SBF2: variants seen among roughly 807,000 people sequenced by gnomAD.
SBF2 encodes the protein SET binding factor 2.
In SBF2, 112 loss-of-function variants were observed where a neutral mutation model predicts 225.2. That is an observed-to-expected ratio of 0.50 (90% CI 0.43 to 0.58). The LOEUF is 0.58. Ranked by LOEUF, SBF2 falls within the 20% of genes least tolerant of loss-of-function variation. The pLI is 0.00. For missense variants in SBF2, 1,996 were observed against 2,206.2 expected (o/e 0.90, Z 1.91); for synonymous variants, 763 against 773.3 (o/e 0.99, Z 0.22).
chr11:9,896,340 TACACAA>T, intron 16 of SBF2, among the ~76,000 whole-genome samples: 1 of 152,330 alleles, frequency 6.6e-6, no homozygotes, highest in East Asian at 1.9e-4. Flanking sequence ...TTGTGTAACT[TACACAA>T]ATTTTTTTTT....
At chr11:10,215,866 T>C (rs1958110456) in intron 1 of SBF2, among the ~76,000 whole-genome samples, 1 of 152,260 alleles carries the variant, frequency 6.6e-6, no homozygotes, top group African/African-American at 2.4e-5. Context: ...AATTTCCATC[T>C]GACTTACCAA....
In SBF2 at chr11:10,193,910, T is replaced by C; in HGVS notation, c.133A>G (p.Ile45Val). ...DWDDTPFPQG[I>V]ELFCQPGGWQ... is the part of the protein sequence containing the mutation. ...ATACAACAACCACTTACCAACTCAA[T>C]TCCCTGTGGAAAAGGTGTATCATCC... The change falls in exon 2 of 40, where the codon ATT (isoleucine) becomes GTT (valine). Residue 45 changes from isoleucine (I) to valine (V), a missense_variant. Ile to Val is a conservative substitution (Grantham distance 29, BLOSUM62 3). Transcript: ENST00000256190. 1 of 1,609,220 alleles carries C rather than the reference T, an allele frequency of 6.2e-7. No homozygotes were observed. Among genetic ancestry groups the C allele is most frequent in the Non-Finnish European group, 8.5e-7 (1 of 1,175,674 alleles).
At chr11:10,021,523 G>GT (rs1011659153) in intron 6 of SBF2, among the ~76,000 whole-genome samples, 17 of 152,156 alleles carry the variant, frequency 1.1e-4, no homozygotes, top group African/African-American at 3.6e-4. Context: ...AGAGGAAATT[G>GT]TAGGGAGTGA....
rs551618985 is a variant in SBF2, at chr11:9,885,727, G to A, written c.1929+10216C>T. Among the ~76,000 whole-genome samples, 12 of 152,082 alleles carry A rather than the reference G, an allele frequency of 7.9e-5. No homozygotes were observed. The South Asian group carries it at 1.2e-3, about 16-fold the overall frequency. ...GAAAAATTTCAATAAAAATTTTTAC[G>A]TTTTTATTAAGTTATTCTGTTGTAA... is the stretch of plus-strand genomic sequence containing the variant. On this transcript the variant is annotated intron_variant, in intron 17 of 39. Coordinates refer to ENST00000256190, the MANE Select transcript of SBF2 (RefSeq NM_030962.4).
intron 17 of SBF2, among the ~76,000 whole-genome samples, 154 bp downstream of exon 17, chr11:9,895,789 A>C (rs1282666503): frequency 2.0e-5 from 3 of 152,222 alleles, no homozygotes; most frequent in Non-Finnish European, 4.4e-5. Context: ...TTTCCTACAC[A>C]TAGCATGCAA....
intron 1 of SBF2, among the ~76,000 whole-genome samples, chr11:10,235,887 G>A (rs576459395): frequency 2.0e-5 from 3 of 152,126 alleles, no homozygotes; most frequent in African/African-American, 4.8e-5. Context: ...AAGCAACATA[G>A]TGAGACCCCC....
In SBF2 at chr11:9,974,960, C is replaced by CAAAAAAAAAAAAAAAAAAAAA. The variant is rs1166081188; in HGVS notation, c.1396-6436_1396-6416dup. Among the ~76,000 whole-genome samples the CAAAAAAAAAAAAAAAAAAAAA allele has an allele frequency of 2.3e-3, 53 of 23,270 alleles. 17 individuals carry two copies. Among genetic ancestry groups the CAAAAAAAAAAAAAAAAAAAAA allele is most frequent in the Non-Finnish European group, 4.2e-3 (47 of 11,168 alleles). The allele number at this position is 23,270 out of a possible 152,430, so 15.3% of individuals were successfully genotyped here. A position where few individuals can be genotyped will look rare whatever the true frequency, so the allele number is the denominator to read the frequency against. ...GGGCAACAACAGCGAAACTTTGACT[C>CAAAAAAAAAAAAAAAAAAAAA]AAAAAAAAAAAAAAAAAAAAAAAAA... is the stretch of plus-strand genomic sequence containing the variant. On this transcript the variant is annotated intron_variant, in intron 13 of 39. Coordinates refer to ENST00000256190, the MANE Select transcript of SBF2 (RefSeq NM_030962.4).
intron 2 of SBF2, among the ~76,000 whole-genome samples, chr11:10,060,987 C>T (rs1022275818): frequency 1.3e-5 from 2 of 151,822 alleles, no homozygotes; most frequent in Non-Finnish European, 2.9e-5. Context: ...GAGATCGTGC[C>T]ACTACATTCC....
chr11:9,944,976 A>G (rs1363464951), intron 16 of SBF2, among the ~76,000 whole-genome samples: 2 of 152,094 alleles, frequency 1.3e-5, no homozygotes, highest in Non-Finnish European at 2.9e-5. Flanking sequence ...GTGGTGGCAC[A>G]TGCTTGTGGT....
At chr11:10,010,020 T>G (rs1340822551) in intron 6 of SBF2, among the ~76,000 whole-genome samples, 2 of 152,248 alleles carry the variant, frequency 1.3e-5, no homozygotes, top group African/African-American at 2.4e-5. Flanking sequence ...GAGCTTTTTT[T>G]CATGTTTCTT....
At chr11:9,932,028 T>G (rs1864535730) in intron 16 of SBF2, among the ~76,000 whole-genome samples, 1 of 141,960 alleles carries the variant, frequency 7.0e-6, no homozygotes, top group Non-Finnish European at 1.5e-5. Context: ...AGAAAGGGTA[T>G]CAGTGATTGA....
At chr11:10,179,842 A>G (rs1956659902) in intron 2 of SBF2, among the ~76,000 whole-genome samples, 1 of 151,108 alleles carries the variant, frequency 6.6e-6, no homozygotes, top group Admixed American at 6.6e-5. Flanking sequence ...ATTTATTTTT[A>G]TTTTTACCCC....
intron 1 of SBF2, among the ~76,000 whole-genome samples, chr11:10,228,111 G>C (rs1317065877): frequency 6.6e-6 from 1 of 150,816 alleles, no homozygotes; most frequent in Non-Finnish European, 1.5e-5. Context: ...CTCATGATTT[G>C]GCTCTCTGTT....
chr11:10,225,158 G>C (rs1958490281), intron 1 of SBF2, among the ~76,000 whole-genome samples: 1 of 151,918 alleles, frequency 6.6e-6, no homozygotes, highest in Admixed American at 6.6e-5. Context: ...TGTTACCTCA[G>C]AATTAGGATG....
intron 2 of SBF2, among the ~76,000 whole-genome samples, chr11:10,062,546 T>C (rs1950488093): frequency 6.6e-6 from 1 of 152,042 alleles, no homozygotes; most frequent in Admixed American, 6.5e-5. Context: ...AACAGACCAT[T>C]TTAAAAAAAG....
chr11:9,835,756 A>G (rs920931599), intron 26 of SBF2, among the ~76,000 whole-genome samples: 1 of 151,908 alleles, frequency 6.6e-6, no homozygotes, highest in Non-Finnish European at 1.5e-5. Flanking sequence ...CTTTTGCTCA[A>G]TATTATGTTT....
At chr11:9,907,764 ATTAG>A (rs1342764218) in intron 16 of SBF2, among the ~76,000 whole-genome samples, 7 of 152,356 alleles carry the variant, frequency 4.6e-5, no homozygotes, top group East Asian at 1.9e-4. Flanking sequence ...TATGGTAATA[ATTAG>A]TTAGCACTTA....
chr11:10,164,743 C>A (rs949393077), intron 2 of SBF2, among the ~76,000 whole-genome samples: 44 of 152,070 alleles, frequency 2.9e-4, no homozygotes, highest in African/African-American at 1.1e-3. Context: ...AATCACAGTG[C>A]TCTCCAACCT....
chr11:9,967,993 A>T lies in SBF2; in HGVS notation c.1600+348T>A, dbSNP rs944447395. 1.8e-4 allele frequency among the ~76,000 whole-genome samples: 22 copies of T among 125,134 alleles called. No individual in the cohort carries two copies. In the South Asian group the frequency reaches 1.8e-3, roughly 10 times the overall value. 82.1% of individuals were successfully genotyped at this position (125,134 alleles called of 152,430 possible). On this transcript the variant is annotated intron_variant, in intron 14 of 39. Coordinates refer to ENST00000256190, the MANE Select transcript of SBF2 (RefSeq NM_030962.4). ...TCTCTATATATATATATATATATAA[A>T]ATATATATATATTCTCAAATTAAAT...
Sources: allele counts gnomAD v4.1 joint callset (sites outside exome capture counted in the v4.1 genomes callset), GRCh38; gene constraint gnomAD v4.1.1; transcripts MANE v1.5; gene names NCBI Gene and HGNC (gene_info 2026-07-23, HGNC 2026-07-21).